CCDC57: variants seen among roughly 807,000 people sequenced by gnomAD.
CCDC57 encodes the protein coiled-coil domain containing 57.
In CCDC57, 118 loss-of-function variants were observed where a neutral mutation model predicts 118.9. That is an observed-to-expected ratio of 0.99 (90% confidence interval 0.86 to 1.16). The LOEUF is 1.16. CCDC57 is among the 50% of genes most tolerant of loss of function. CCDC57 has a pLI of 0.00. For missense variants in CCDC57, 1,300 were observed against 1,320.7 expected (o/e 0.98, Z 0.24); for synonymous variants, 527 against 532.9 (o/e 0.99, Z 0.15).
rs768608806 is a variant in CCDC57 at position 82,201,956 on chromosome 17, C to CAT, written c.-8-5_-8-4insAT. On this transcript the variant is annotated splice_region_variant and splice_polypyrimidine_tract_variant and intron_variant, in intron 2 of 19. Coordinates refer to ENST00000665763, the Ensembl canonical transcript of CCDC57. ...CCCAGTGGCAGCATGGTGGCCGCTG[C>CAT]AGTAAAGAGAAATCAGGTTCAGGGT... 1 of 1,578,728 alleles carries CAT rather than the reference C, an allele frequency of 6.3e-7. No individual in the cohort carries two copies. The highest frequency in any genetic ancestry group is 1.1e-5 in the South Asian group (1 of 88,652).
chr17:82,122,488 T>C (rs865793308), intron 19 of CCDC57, among the ~76,000 whole-genome samples: 45 of 134,788 alleles, frequency 3.3e-4, no homozygotes, highest in African/African-American at 1.2e-3. Flanking sequence ...GGGCAGGTGC[T>C]TGTGGTCGCT....
At chr17:82,150,533 G>GCACATCCAGAACCTGACC (rs1423600603) in intron 16 of CCDC57, among the ~76,000 whole-genome samples, 1 of 70,210 alleles carries the variant, frequency 1.4e-5, no homozygotes, top group African/African-American at 5.9e-5. Flanking sequence ...AGAACCTGGT[G>GCACATCCAGAACCTGACC]CACATCCAGA....
chr17:82,181,794 T>G (rs1382800991), intron 9 of CCDC57, among the ~76,000 whole-genome samples: 1 of 151,708 alleles, frequency 6.6e-6, no homozygotes, highest in African/African-American at 2.4e-5. Flanking sequence ...AATGGAAGAG[T>G]TTAACGAAGA....
At chr17:82,161,516 A>C (rs1029646768) in intron 14 of CCDC57, among the ~76,000 whole-genome samples, 1 of 152,220 alleles carries the variant, frequency 6.6e-6, no homozygotes, top group Non-Finnish European at 1.5e-5. Context: ...TGTTGAGTGC[A>C]TGAATGATAA....
intron 19 of CCDC57, among the ~76,000 whole-genome samples, chr17:82,124,604 G>A (rs935984767): frequency 2.0e-5 from 3 of 152,076 alleles, no homozygotes; most frequent in African/African-American, 7.2e-5. Flanking sequence ...ACCAGCCTGG[G>A]CAACAGAGCG....
intron 4 of CCDC57, among the ~76,000 whole-genome samples, chr17:82,198,106 C>T (rs2048524711): frequency 6.6e-6 from 1 of 152,214 alleles, no homozygotes; most frequent in African/African-American, 2.4e-5. Flanking sequence ...CAAGGAAACA[C>T]TGTGGAGGTG....
At chr17:82,191,655 C>T (rs556278469) in intron 7 of CCDC57, among the ~76,000 whole-genome samples, 6 of 151,970 alleles carry the variant, frequency 3.9e-5, no homozygotes, top group Non-Finnish European at 7.4e-5. Context: ...ACTTAACAAA[C>T]GGTAAACATA....
intron 13 of CCDC57, among the ~76,000 whole-genome samples, chr17:82,168,048 C>T (rs2044219632): frequency 6.6e-6 from 1 of 152,224 alleles, no homozygotes; most frequent in African/African-American, 2.4e-5. Flanking sequence ...TTTATCAGTT[C>T]TTTTAGATCC....
At chr17:82,106,989 C>T (rs1298588239) in intron 19 of CCDC57, among the ~76,000 whole-genome samples, 1 of 152,206 alleles carries the variant, frequency 6.6e-6, no homozygotes, top group Non-Finnish European at 1.5e-5. Context: ...GCCTGCCACT[C>T]ACTTTGCCTG....
intron 19 of CCDC57, among the ~76,000 whole-genome samples, chr17:82,115,724 C>T (rs1372731237): frequency 6.6e-6 from 1 of 151,282 alleles, no homozygotes; most frequent in Admixed American, 6.6e-5. Flanking sequence ...GCTGAGATCG[C>T]ACCACTGCAC....
At chr17:82,102,521 A>C (rs1460085350) in intron 19 of CCDC57, among the ~76,000 whole-genome samples, 3 of 152,140 alleles carry the variant, frequency 2.0e-5, no homozygotes, top group Middle Eastern at 3.4e-3. Context: ...GTTTTTCTCT[A>C]TTTTTCATTT....
At chr17:82,184,224 G>C (rs950571580) in intron 8 of CCDC57, among the ~76,000 whole-genome samples, 2 of 151,986 alleles carry the variant, frequency 1.3e-5, no homozygotes, top group African/African-American at 4.8e-5. Flanking sequence ...CAGCACACCA[G>C]GCCATGTGCC....
chr17:82,175,606 C>T (rs545577953), intron 11 of CCDC57: 33 of 152,318 alleles, frequency 2.2e-4, no homozygotes, highest in Admixed American at 6.5e-4. Flanking sequence ...AGTTGTCCCG[C>T]CTCTGCAGAT....
chr17:82,107,931 C>T lies in CCDC57; in HGVS notation c.2900-6065G>A, dbSNP rs558736251. On this transcript the variant is annotated intron_variant, in intron 19 of 19. Coordinates refer to ENST00000665763, the Ensembl canonical transcript of CCDC57. ...CCAGGGCCCAGAGTCACGGCACGGA[C>T]GAGGGGGCTTTGGATCACTCTGCAC... Among the ~76,000 whole-genome samples the T allele has an allele frequency of 3.9e-5, 6 of 152,266 alleles. No homozygotes were observed. In the South Asian group the frequency reaches 6.2e-4, roughly 16 times the overall value.
chr17:82,164,296 G>A (rs981372419), intron 13 of CCDC57, among the ~76,000 whole-genome samples: 1 of 151,898 alleles, frequency 6.6e-6, no homozygotes, highest in African/African-American at 2.4e-5. Flanking sequence ...CACGAGAATC[G>A]ATTGAACTCG....
intron 1 of CCDC57, among the ~76,000 whole-genome samples, chr17:82,211,956 C>T (rs1319062928): frequency 6.6e-6 from 1 of 152,142 alleles, no homozygotes; most frequent in Admixed American, 6.5e-5. Flanking sequence ...GTTTCTGTAA[C>T]CATTTATCTT....
At chr17:82,181,404 GC>G (rs1192092824) in intron 9 of CCDC57, among the ~76,000 whole-genome samples, 2 of 152,208 alleles carry the variant, frequency 1.3e-5, no homozygotes, top group Non-Finnish European at 2.9e-5. Context: ...CTCTAGACCT[GC>G]CCCACCTGCC....
chr17:82,175,354 C>T (rs1003741581), intron 11 of CCDC57, among the ~76,000 whole-genome samples: 4 of 152,178 alleles, frequency 2.6e-5, no homozygotes, highest in Admixed American at 6.5e-5. Context: ...CCCACCACAG[C>T]GGCAAGCAAG....
At chr17:82,204,266 G>C (rs2049335872) in intron 2 of CCDC57, among the ~76,000 whole-genome samples, 1 of 152,084 alleles carries the variant, frequency 6.6e-6, no homozygotes, top group African/African-American at 2.4e-5. Context: ...GGAGCTAACA[G>C]GGTCCCTACC....
Sources: allele counts gnomAD v4.1 joint callset (sites outside exome capture counted in the v4.1 genomes callset), GRCh38; gene constraint gnomAD v4.1.1; transcripts MANE v1.5; gene names NCBI Gene and HGNC (gene_info 2026-07-23, HGNC 2026-07-21).